GPA33: variants seen among roughly 807,000 people sequenced by gnomAD.
GPA33 encodes glycoprotein A33.
In GPA33, 27 loss-of-function variants were observed where a neutral mutation model predicts 35.6. That is an observed-to-expected ratio of 0.76 (90% CI 0.56 to 1.04). The LOEUF is 1.04. GPA33 is among the 50% of genes least tolerant of loss of function. GPA33 has a pLI of 0.00. For missense variants in GPA33, 428 were observed against 411.9 expected (o/e 1.04, Z -0.34); for synonymous variants, 176 against 164.0 (o/e 1.07, Z -0.56).
chr1:167,074,906 C>CTTT lies in GPA33; in HGVS notation c.44-1370_44-1368dup, dbSNP rs774982628. Among the ~76,000 whole-genome samples the CTTT allele has an allele frequency of 3.2e-4, 39 of 121,714 alleles. 1 individual carries two copies. The highest frequency in any genetic ancestry group is 6.8e-4 in the African/African-American group (21 of 30,972). The allele number at this position is 121,714 out of a possible 152,430, so 79.8% of individuals were successfully genotyped here. On this transcript the variant is annotated intron_variant, in intron 1 of 6. Transcript: ENST00000367868. ...AAGCAGAGAAAATATATTTGACTTACTTTTTTTTTTTTTTTTTTTTGAGAG... is the reference window on the plus strand; with the variant it reads ...AAGCAGAGAAAATATATTTGACTTACTTTTTTTTTTTTTTTTTTTTTTTGAGAG...
chr1:167,060,136 C>T (rs1256176420), intron 4 of GPA33, among the ~76,000 whole-genome samples: 4 of 152,172 alleles, frequency 2.6e-5, no homozygotes, highest in Admixed American at 6.5e-5. Context: ...TGCAGTGGCA[C>T]CATCTTGGCT....
intron 1 of GPA33, among the ~76,000 whole-genome samples, chr1:167,078,184 A>G (rs557046014): frequency 6.6e-6 from 1 of 152,322 alleles, no homozygotes; most frequent in Non-Finnish European, 1.5e-5. Context: ...TGCTTTCTTC[A>G]GTCAACCAAC....
At chr1:167,078,220 T>G (rs1301038720) in intron 1 of GPA33, among the ~76,000 whole-genome samples, 2 of 152,216 alleles carry the variant, frequency 1.3e-5, no homozygotes, top group Admixed American at 6.5e-5. Flanking sequence ...GCCTAGCATA[T>G]AAAACCAGCC....
At chr1:167,067,556 A>T (rs1256707171) in intron 3 of GPA33, among the ~76,000 whole-genome samples, 1 of 152,154 alleles carries the variant, frequency 6.6e-6, no homozygotes, top group Admixed American at 6.5e-5. Context: ...GTGCATTAAT[A>T]CTTCCATTGC....
At chr1:167,061,997 G>T (rs1666462411) in intron 4 of GPA33, among the ~76,000 whole-genome samples, 2 of 151,786 alleles carry the variant, frequency 1.3e-5, no homozygotes, top group African/African-American at 4.8e-5. Flanking sequence ...TCTTCCCCCG[G>T]GTCCTCATCC....
intron 4 of GPA33, among the ~76,000 whole-genome samples, chr1:167,062,464 T>A (rs1341858041): frequency 4.6e-5 from 7 of 151,794 alleles, no homozygotes; most frequent in Admixed American, 3.9e-4. Flanking sequence ...CAAGTGATCC[T>A]CCTGCCTCAG....
At chr1:167,058,726 G>A (rs61817726) in intron 4 of GPA33, among the ~76,000 whole-genome samples, 65,465 of 150,944 alleles carry the variant, frequency 0.43, 14,670 homozygotes, top group South Asian at 0.61. Flanking sequence ...ATTAACATGC[G>A]GCATGGAGAA....
intron 3 of GPA33, among the ~76,000 whole-genome samples, chr1:167,064,080 T>C (rs4657627): frequency 0.46 from 69,977 of 151,728 alleles, 16,382 homozygotes; most frequent in South Asian, 0.6. Context: ...GAGATGAGTT[T>C]GAGACCAGCC....
chr1:167,082,772 C>T (rs577300715), intron 1 of GPA33, among the ~76,000 whole-genome samples: 1 of 152,282 alleles, frequency 6.6e-6, no homozygotes, highest in African/African-American at 2.4e-5. Flanking sequence ...TTGTGACGGC[C>T]CTAATGGGAA....
chr1:167,063,766 C>A, intron 3 of GPA33, 29 bp from the exon 4 acceptor site: 1 of 1,601,246 alleles, frequency 6.2e-7, no homozygotes, highest in Non-Finnish European at 8.5e-7. Context: ...AAAGAGAAGG[C>A]ATGAGGCAGG....
At chr1:167,089,119 A>C (rs1448344131) in intron 1 of GPA33, among the ~76,000 whole-genome samples, 1 of 152,236 alleles carries the variant, frequency 6.6e-6, no homozygotes, top group African/African-American at 2.4e-5. Context: ...GATCTTACCC[A>C]GATCTTCCTC....
chr1:167,055,619 G>T, intron 5 of GPA33, 111 bp downstream of exon 5: 2 of 1,194,616 alleles, frequency 1.7e-6, no homozygotes, highest in South Asian at 2.6e-5. Flanking sequence ...CAGGTGCGTG[G>T]CCCTAGAGAG....
chr1:167,062,986 A>T (rs527606763), intron 4 of GPA33, among the ~76,000 whole-genome samples: 1 of 152,372 alleles, frequency 6.6e-6, no homozygotes, highest in Non-Finnish European at 1.5e-5. Flanking sequence ...GCTTTTGCAC[A>T]GAGTGCTTAT....
chr1:167,086,506 G>T (rs1020445041), intron 1 of GPA33, among the ~76,000 whole-genome samples: 4 of 152,198 alleles, frequency 2.6e-5, no homozygotes, highest in Non-Finnish European at 5.9e-5. Context: ...TGATAGGGCA[G>T]ACCCCAGGGA....
intron 1 of GPA33, chr1:167,078,509 G>T (rs1021484801): frequency 5.9e-5 from 9 of 152,200 alleles, no homozygotes; most frequent in Admixed American, 1.3e-4. Flanking sequence ...CAAATGGAAT[G>T]GCCGAATTGG....
intron 1 of GPA33, among the ~76,000 whole-genome samples, chr1:167,074,033 A>C (rs1012087111): frequency 6.6e-6 from 1 of 151,490 alleles, no homozygotes; most frequent in Non-Finnish European, 1.5e-5. Flanking sequence ...GTATGTGGTA[A>C]AGAATTTTAT....
chr1:167,086,720 C>CCTGT (rs1281273498), intron 1 of GPA33, among the ~76,000 whole-genome samples: 1 of 152,186 alleles, frequency 6.6e-6, no homozygotes, highest in East Asian at 1.9e-4. Context: ...GGATCAAGCA[C>CCTGT]CTGTGGGTTT....
intron 4 of GPA33, among the ~76,000 whole-genome samples, chr1:167,059,296 C>T (rs1291954903): frequency 2.6e-5 from 4 of 152,138 alleles, no homozygotes; most frequent in Admixed American, 6.5e-5. Flanking sequence ...TTCTGATATC[C>T]GGAGAAAACT....
intron 3 of GPA33, among the ~76,000 whole-genome samples, chr1:167,068,338 A>C (rs1190182879): frequency 1.3e-5 from 2 of 152,172 alleles, no homozygotes; most frequent in Non-Finnish European, 2.9e-5. Context: ...GAGGATATTA[A>C]AGTAGATGAT....
Sources: gnomAD v4.1 joint callset for allele counts (sites outside exome capture counted in the v4.1 genomes callset) on GRCh38, gnomAD v4.1.1 for gene constraint, MANE v1.5 for transcripts, NCBI Gene and HGNC (gene_info 2026-07-23, HGNC 2026-07-21) for gene names.